Variants in RPRD1A observed in about 807,000 individuals in gnomAD.
RPRD1A encodes the protein regulation of nuclear pre-mRNA domain containing 1A.
Under a neutral mutation model 37.8 loss-of-function variants are expected in RPRD1A, and 9 were observed. That is an observed-to-expected ratio of 0.24 (90% CI 0.14 to 0.42). The LOEUF (loss-of-function observed/expected upper bound fraction) is 0.42. RPRD1A is among the 10% of genes least tolerant of loss of function. The pLI is 1.00. For missense variants in RPRD1A, 255 were observed against 371.0 expected (o/e 0.69, Z 2.57); for synonymous variants, 138 against 139.7 (o/e 0.99, Z 0.08).
intron 1 of RPRD1A, among the ~76,000 whole-genome samples, chr18:36,054,985 G>A (rs958139467): frequency 1.3e-5 from 2 of 152,164 alleles, no homozygotes; most frequent in Admixed American, 1.3e-4. Context: ...ACACTAGGGA[G>A]GGCATCTGTT....
At chr18:36,031,498 T>C (rs1911787590) in intron 2 of RPRD1A, among the ~76,000 whole-genome samples, 1 of 152,230 alleles carries the variant, frequency 6.6e-6, no homozygotes, top group Non-Finnish European at 1.5e-5. Context: ...ATGCAGCTTA[T>C]GGCAGTTGTT....
intron 1 of RPRD1A, among the ~76,000 whole-genome samples, chr18:36,051,030 C>T (rs1381089511): frequency 2.0e-5 from 3 of 151,996 alleles, no homozygotes; most frequent in Non-Finnish European, 4.4e-5. Context: ...ATTTTTGACC[C>T]TCCCAAAACT....
chr18:36,006,895 C>G lies in RPRD1A; in HGVS notation c.790-13595G>C, dbSNP rs141889475. Among the ~76,000 whole-genome samples the G allele has an allele frequency of 4.4e-3, 672 of 152,306 alleles. 4 individuals are homozygous for G. The highest frequency in any genetic ancestry group is 0.015 in the African/African-American group (628 of 41,556). On this transcript the variant is annotated intron_variant, in intron 6 of 6. Coordinates refer to ENST00000399022, the MANE Select transcript of RPRD1A (RefSeq NM_018170.5). ...TTCCCACAGATGATACATTCTAAGA[C>G]AGAGAGTCGAGGAAAAAGAGTCATC...
At chr18:35,993,783 T>G (rs546452967) in intron 6 of RPRD1A, among the ~76,000 whole-genome samples, 1 of 152,210 alleles carries the variant, frequency 6.6e-6, no homozygotes, top group African/African-American at 2.4e-5. Context: ...TCACTCTCCC[T>G]GCAACTCCCA....
intron 1 of RPRD1A, among the ~76,000 whole-genome samples, chr18:36,055,415 G>A (rs920816731): frequency 1.3e-5 from 2 of 152,024 alleles, no homozygotes; most frequent in Admixed American, 1.3e-4. Flanking sequence ...CCTTCTATTA[G>A]CCTGTACGAG....
chr18:36,010,134 T>A (rs879203440), intron 6 of RPRD1A, among the ~76,000 whole-genome samples: 1 of 152,170 alleles, frequency 6.6e-6, no homozygotes, highest in Admixed American at 6.5e-5. Context: ...AATTCTTTAT[T>A]ATATTCTAAC....
chr18:35,999,688 A>G (rs1909302595), intron 6 of RPRD1A, among the ~76,000 whole-genome samples: 1 of 152,088 alleles, frequency 6.6e-6, no homozygotes, highest in Non-Finnish European at 1.5e-5. Flanking sequence ...GGGGATCTTT[A>G]GTGGTCAATT....
At chr18:36,060,113 G>T (rs978082733) in intron 1 of RPRD1A, among the ~76,000 whole-genome samples, 1 of 152,246 alleles carries the variant, frequency 6.6e-6, no homozygotes, top group East Asian at 1.9e-4. Context: ...GATTTATATT[G>T]CTATATATTT....
intron 1 of RPRD1A, among the ~76,000 whole-genome samples, chr18:36,051,703 C>T (rs1913409924): frequency 6.6e-6 from 1 of 151,586 alleles, no homozygotes; most frequent in South Asian, 2.1e-4. Context: ...TAGATAAATG[C>T]TATAATAACA....
chr18:36,031,183 A>T, intron 2 of RPRD1A, 86 bp from the exon 3 acceptor site: 1 of 1,386,382 alleles, frequency 7.2e-7, no homozygotes, highest in South Asian at 1.7e-5. Flanking sequence ...AACTTTAAAT[A>T]TAATCAGACA....
intron 1 of RPRD1A, among the ~76,000 whole-genome samples, chr18:36,053,214 AG>A (rs748763749): frequency 5.6e-4 from 85 of 152,306 alleles, no homozygotes; most frequent in Non-Finnish European, 8.4e-4. Context: ...ACCACTTTAA[AG>A]CATACAATTC....
At chr18:36,023,001 G>C (rs1355281605) in intron 6 of RPRD1A, among the ~76,000 whole-genome samples, 2 of 152,078 alleles carry the variant, frequency 1.3e-5, no homozygotes, top group Non-Finnish European at 2.9e-5. Context: ...CAACATACCT[G>C]GTCACCCAAG....
chr18:36,022,035 A>G (rs921381351), intron 6 of RPRD1A, among the ~76,000 whole-genome samples: 5 of 152,198 alleles, frequency 3.3e-5, no homozygotes, highest in African/African-American at 1.2e-4. Context: ...GTACACACAA[A>G]GAAGAAAGCT....
At chr18:36,016,502 C>T (rs755129010) in intron 6 of RPRD1A, among the ~76,000 whole-genome samples, 1 of 152,202 alleles carries the variant, frequency 6.6e-6, no homozygotes, top group East Asian at 1.9e-4. Flanking sequence ...GGATTACAGG[C>T]ATGAGCCACC....
chr18:36,041,133 C>A (rs1241990664), intron 1 of RPRD1A, among the ~76,000 whole-genome samples: 8 of 152,322 alleles, frequency 5.3e-5, no homozygotes, highest in African/African-American at 1.9e-4. Context: ...TCCTAACTTT[C>A]TGGATAATCT....
At chr18:36,053,256 T>C (rs143892900) in intron 1 of RPRD1A, among the ~76,000 whole-genome samples, 75 of 152,358 alleles carry the variant, frequency 4.9e-4, no homozygotes, top group African/African-American at 1.7e-3. Flanking sequence ...TAAGGTTATG[T>C]AACCATTACC....
At chr18:36,034,391 T>C (rs1654771006) in intron 1 of RPRD1A, among the ~76,000 whole-genome samples, 1 of 152,130 alleles carries the variant, frequency 6.6e-6, no homozygotes, top group Admixed American at 6.5e-5. Context: ...GGCCATAAAT[T>C]TTAAACTGAA....
In RPRD1A at chr18:35,999,738, T is replaced by C. The variant is rs558576893; in HGVS notation, c.790-6438A>G. Among the ~76,000 whole-genome samples the C allele has an allele frequency of 2.0e-5, 3 of 152,324 alleles. No homozygotes were observed. In the East Asian group the frequency reaches 5.8e-4, roughly 29 times the overall value. On this transcript the variant is annotated intron_variant, in intron 6 of 6. Coordinates refer to ENST00000399022, the MANE Select transcript of RPRD1A (RefSeq NM_018170.5). Reference sequence around the variant, plus strand: ...ATTCTAAGCATCATACTTACTGTATTGCAGACCTATGGCTTCCTACCCATT... The same window carrying C: ...ATTCTAAGCATCATACTTACTGTATCGCAGACCTATGGCTTCCTACCCATT...
chr18:36,029,865 G>C (rs1248481430), intron 4 of RPRD1A, among the ~76,000 whole-genome samples: 1 of 151,734 alleles, frequency 6.6e-6, no homozygotes, highest in Non-Finnish European at 1.5e-5. Context: ...GAGTGCAGTG[G>C]TGCTATCTCG....
Sources: gnomAD v4.1 joint callset for allele counts (sites outside exome capture counted in the v4.1 genomes callset) on GRCh38, gnomAD v4.1.1 for gene constraint, MANE v1.5 for transcripts, NCBI Gene and HGNC (gene_info 2026-07-23, HGNC 2026-07-21) for gene names.